The following ANKRD2 variants were observed in gnomAD, a reference collection of about 807,000 sequenced individuals.
ANKRD2 encodes ankyrin repeat domain 2, also known as ankyrin repeat domain-containing protein 2.
Under a neutral mutation model 37.3 loss-of-function variants are expected in ANKRD2, and 35 were observed. The observed-to-expected ratio is 0.94, with a 90% CI of 0.72 to 1.24. The LOEUF (loss-of-function observed/expected upper bound fraction) is 1.24. Among genes scored for constraint, ANKRD2 ranks in the 50% most tolerant of loss-of-function variants. The probability of loss-of-function intolerance (pLI) is 0.00; values close to 1 mark genes in which losing one functional copy is unlikely to be tolerated. For synonymous variants in ANKRD2, 159 were observed against 186.5 expected, an observed-to-expected ratio of 0.85 and a Z score of 1.20; for missense variants, 410 against 445.6, an observed-to-expected ratio of 0.92 and a Z score of 0.72.
intron 4 of ANKRD2, among the ~76,000 whole-genome samples, chr10:97,579,330 A>G (rs1447937566): frequency 2.1e-5 from 3 of 146,134 alleles, no homozygotes; most frequent in Non-Finnish European, 4.5e-5. Context: ...TTTTTGAGAC[A>G]GAGTCTCACT....
At chr10:97,577,688 G>A (rs2040841626) in intron 1 of ANKRD2, 112 bp from the exon 2 acceptor site, 1 of 847,280 alleles carries the variant, frequency 1.2e-6, no homozygotes, top group African/African-American at 1.7e-5. Context: ...TCAGCCAGAA[G>A]GGCTCTGAGA....
intron 4 of ANKRD2, 66 bp downstream of exon 4, chr10:97,578,671 T>A: frequency 1.6e-6 from 2 of 1,280,210 alleles, no homozygotes; most frequent in Non-Finnish European, 2.2e-6. Context: ...GTTCGGCTCC[T>A]GGGTCAGCCC....
At chr10:97,582,807 G>A in intron 8 of ANKRD2, 105 bp downstream of exon 8, 1 of 952,582 alleles carries the variant, frequency 1.0e-6, no homozygotes, top group Non-Finnish European at 1.7e-6. Flanking sequence ...ATGTATCATT[G>A]GCTCTGGCCA....
chr10:97,576,287 C>T (rs1184996473), intron 1 of ANKRD2, among the ~76,000 whole-genome samples: 2 of 152,220 alleles, frequency 1.3e-5, no homozygotes, highest in East Asian at 3.8e-4. Flanking sequence ...CTCATAGCCA[C>T]ACAAGCTGCC....
intron 7 of ANKRD2, 58 bp from the exon 8 acceptor site, chr10:97,582,546 C>A (rs930657384): frequency 8.8e-6 from 14 of 1,584,516 alleles, no homozygotes; most frequent in Non-Finnish European, 1.2e-5. Context: ...CACCTCCCAT[C>A]ACCCTTGCCT....
At chr10:97,574,055 G>A (rs921623955) in intron 1 of ANKRD2, among the ~76,000 whole-genome samples, 1 of 152,020 alleles carries the variant, frequency 6.6e-6, no homozygotes. Context: ...GAGATCCGAG[G>A]TGGGCAGATC....
chr10:97,577,912 G>A lies in ANKRD2; in HGVS notation c.189+11G>A, dbSNP rs1285200071. 12 of 1,551,380 alleles carry A rather than the reference G, an allele frequency of 7.7e-6. No individual in the cohort carries two copies. Among genetic ancestry groups the A allele is most frequent in the Non-Finnish European group, 1.0e-5 (12 of 1,147,954 alleles). ...CTGCAGAAGGTGAAGGTAAGCCTGGGAGGATCCAATGTCTGCACCCAGGGG... is the reference window on the plus strand; with the variant it reads ...CTGCAGAAGGTGAAGGTAAGCCTGGAAGGATCCAATGTCTGCACCCAGGGG... On this transcript the variant is annotated intron_variant, in intron 2 of 8. Transcript: ENST00000370655.
chr10:97,579,504 A>T (rs892843630), intron 4 of ANKRD2, among the ~76,000 whole-genome samples: 1 of 151,910 alleles, frequency 6.6e-6, no homozygotes, highest in South Asian at 2.1e-4. Flanking sequence ...ATAACGTGAA[A>T]TGTTCCACTT....
chr10:97,578,156 C>A, intron 2 of ANKRD2, 84 bp from the exon 3 acceptor site: 3 of 1,171,570 alleles, frequency 2.6e-6, no homozygotes, highest in African/African-American at 1.5e-5. Context: ...CCACCCCACC[C>A]TCCCCACCAG....
chr10:97,575,422 A>C (rs940129788), intron 1 of ANKRD2, among the ~76,000 whole-genome samples: 2 of 152,190 alleles, frequency 1.3e-5, no homozygotes, highest in Non-Finnish European at 2.9e-5. Context: ...TCGATCATTC[A>C]TTCATTCACC....
At chr10:97,581,029 T>C (rs2040891850) in intron 5 of ANKRD2, 76 bp downstream of exon 5, 12 of 1,333,150 alleles carry the variant, frequency 9.0e-6, no homozygotes, top group Middle Eastern at 1.8e-4. Flanking sequence ...CCCTGCCACC[T>C]GTGCCAACCT....
At position 97,582,355 on chromosome 10, in the gene ANKRD2, A is replaced by G. The variant is rs1377811717; in HGVS notation, c.695A>G (p.Gln232Arg). Residue 232 changes from glutamine to arginine, a missense_variant, in exon 7 of 9, where the codon CAG (glutamine) becomes CGG (arginine). Coordinates refer to ENST00000370655, the MANE Select transcript of ANKRD2 (RefSeq NM_001346793.2). ...TPLHVAVRTG[Q>R]VEIVEHFLSL... ...CTGCACGTGGCAGTCCGGACAGGGC[A>G]GGTGGAGATTGTGGAGCACTTTCTA... The G allele has an allele frequency of 6.4e-7, 1 of 1,561,624 alleles. No homozygotes were observed. Among genetic ancestry groups the G allele is most frequent in the Admixed American group, 1.9e-5 (1 of 52,130 alleles).
Position 97,578,606 on chromosome 10 carries a change from G to T in ANKRD2, c.456+1G>T, listed in dbSNP as rs555582146. ...GGGGTCAGCCGACACGTGCGACCAG[G>T]TGATGCTCCTAGCCGCCCCTGACCA... is the stretch of plus-strand genomic sequence containing the variant. On this transcript the variant is annotated splice_donor_variant, in intron 4 of 8. Transcript: ENST00000370655. LOFTEE classifies it high-confidence loss of function. 1.7e-5 allele frequency: 26 copies of T among 1,552,120 alleles called. No individual in the cohort carries two copies. Among genetic ancestry groups the T allele is most frequent in the Non-Finnish European group, 2.3e-5 (26 of 1,147,192 alleles).
At chr10:97,579,930 C>A (rs1473766899) in intron 4 of ANKRD2, among the ~76,000 whole-genome samples, 2 of 152,148 alleles carry the variant, frequency 1.3e-5, no homozygotes, top group Non-Finnish European at 2.9e-5. Context: ...TTTTCATCAC[C>A]CATCATACTT....
chr10:97,583,830 A>T lies in ANKRD2; in HGVS notation c.*105A>T. 7.6e-7 allele frequency: 1 copy of T among 1,316,208 alleles called. No individual in the cohort carries two copies. Among genetic ancestry groups the T allele is most frequent in the Non-Finnish European group, 1.0e-6 (1 of 1,004,934 alleles). 81.5% of individuals were successfully genotyped at this position (1,316,208 alleles called of 1,614,324 possible). ...ACTGAGGGCCCAGCCTTTTTTCTGC[A>T]TGATCCAGGAGCACATACCACAAAC... On this transcript the variant is annotated 3_prime_UTR_variant, in exon 9 of 9. Coordinates refer to ENST00000370655, the MANE Select transcript of ANKRD2 (RefSeq NM_001346793.2).
At chr10:97,575,541 C>T (rs1053607192) in intron 1 of ANKRD2, among the ~76,000 whole-genome samples, 13 of 152,222 alleles carry the variant, frequency 8.5e-5, no homozygotes, top group Admixed American at 2.6e-4. Context: ...GTTGTCCTGG[C>T]GCATAAGGAG....
chr10:97,575,781 T>G (rs1013767571), intron 1 of ANKRD2, among the ~76,000 whole-genome samples: 3 of 152,014 alleles, frequency 2.0e-5, no homozygotes, highest in African/African-American at 7.2e-5. Flanking sequence ...CGTGGCGGCA[T>G]GCGCCTGTAG....
Position 97,582,639 on chromosome 10 carries a change from C to T in ANKRD2, c.789C>T (p.Leu263=). 6.2e-7 allele frequency: 1 copy of T among 1,614,166 alleles called. No individual in the cohort carries two copies. ...GDTALHDAVR[L]NRYKIIKLLL... is the part of the protein sequence containing the mutation. ...CTGCCCTGCATGACGCTGTGAGGCT[C>T]AACCGCTACAAAATCATCAAACTGC... The change falls in exon 8 of 9, where the codon CTC becomes CTT. Residue 263 remains leucine, a synonymous_variant. Coordinates refer to ENST00000370655, the MANE Select transcript of ANKRD2 (RefSeq NM_001346793.2).
intron 1 of ANKRD2, among the ~76,000 whole-genome samples, chr10:97,576,630 T>C (rs889947016): frequency 1.3e-5 from 2 of 152,124 alleles, no homozygotes; most frequent in Non-Finnish European, 2.9e-5. Flanking sequence ...CTCATCATAA[T>C]CATTTCATCA....
Sources: allele counts gnomAD v4.1 joint callset (sites outside exome capture counted in the v4.1 genomes callset), GRCh38; gene constraint gnomAD v4.1.1; transcripts MANE v1.5; gene names NCBI Gene and HGNC (gene_info 2026-07-23, HGNC 2026-07-21).